The following TTLL5 variants were observed in gnomAD, a reference collection of about 807,000 sequenced individuals.
TTLL5 encodes tubulin tyrosine ligase like 5.
Under a neutral mutation model 168.4 loss-of-function variants are expected in TTLL5, and 132 were observed. That is an observed-to-expected ratio of 0.78 (90% CI 0.68 to 0.91). The LOEUF (loss-of-function observed/expected upper bound fraction) is 0.91. Among genes scored for constraint, TTLL5 ranks in the 40% least tolerant of loss-of-function variants. The probability of loss-of-function intolerance (pLI) is 0.00; values close to 1 mark genes in which losing one functional copy is unlikely to be tolerated. For synonymous variants in TTLL5, 546 were observed against 558.6 expected (o/e 0.98, Z 0.32); for missense variants, 1,545 against 1,581.5 (o/e 0.98, Z 0.39).
At chr14:75,751,138 C>G (rs1195025421) in intron 17 of TTLL5, among the ~76,000 whole-genome samples, 1 of 152,160 alleles carries the variant, frequency 6.6e-6, no homozygotes, top group African/African-American at 2.4e-5. Context: ...CTCACGTCTT[C>G]CACCCCAAAA....
At chr14:75,849,607 A>C (rs1246393498) in intron 28 of TTLL5, among the ~76,000 whole-genome samples, 1 of 152,202 alleles carries the variant, frequency 6.6e-6, no homozygotes, top group African/African-American at 2.4e-5. Flanking sequence ...AGTAGAAGGG[A>C]ATCATTTAAG....
At chr14:75,808,956 A>G (rs907579301) in intron 27 of TTLL5, among the ~76,000 whole-genome samples, 18 of 151,694 alleles carry the variant, frequency 1.2e-4, no homozygotes, top group African/African-American at 4.3e-4. Context: ...AGCTATACAT[A>G]TCAGGATATA....
intron 27 of TTLL5, among the ~76,000 whole-genome samples, chr14:75,819,072 A>G (rs1272855343): frequency 6.6e-6 from 1 of 152,194 alleles, no homozygotes; most frequent in Non-Finnish European, 1.5e-5. Flanking sequence ...GTACTTACCA[A>G]CAGACTTGTG....
At chr14:75,782,612 G>A (rs574551556) in intron 25 of TTLL5, 39 bp downstream of exon 25, 228 of 1,530,876 alleles carry the variant, frequency 1.5e-4, no homozygotes, top group South Asian at 2.5e-4. Context: ...GCTGCTCTCT[G>A]ATAATTTCCT....
At chr14:75,924,126 A>G (rs1260123166) in intron 31 of TTLL5, among the ~76,000 whole-genome samples, 1 of 149,366 alleles carries the variant, frequency 6.7e-6, no homozygotes, top group Non-Finnish European at 1.5e-5. Context: ...TCTGCACGTG[A>G]GATGGGTCTC....
At chr14:75,874,887 G>T (rs1207972831) in intron 29 of TTLL5, among the ~76,000 whole-genome samples, 2 of 146,318 alleles carry the variant, frequency 1.4e-5, no homozygotes, top group Admixed American at 1.4e-4. Flanking sequence ...GATTTTGGGG[G>T]TGCTTTTCTG....
At chr14:75,799,468 A>T (rs1893165826) in intron 27 of TTLL5, among the ~76,000 whole-genome samples, 1 of 152,136 alleles carries the variant, frequency 6.6e-6, no homozygotes, top group African/African-American at 2.4e-5. Context: ...TACATTCAAC[A>T]TTATTATTGA....
At chr14:75,870,456 C>T (rs887295491) in intron 29 of TTLL5, among the ~76,000 whole-genome samples, 4 of 151,812 alleles carry the variant, frequency 2.6e-5, no homozygotes, top group Non-Finnish European at 5.9e-5. Context: ...TGTTCTTGGG[C>T]GTAACAATCT....
intron 28 of TTLL5, among the ~76,000 whole-genome samples, chr14:75,855,801 A>G (rs1423065914): frequency 1.3e-5 from 2 of 152,254 alleles, no homozygotes; most frequent in Admixed American, 6.5e-5. Context: ...TTAACCATCT[A>G]CTTAAAACAC....
intron 30 of TTLL5, among the ~76,000 whole-genome samples, chr14:75,901,709 C>A (rs7151124): frequency 0.82 from 124,877 of 152,176 alleles, 51,447 homozygotes; most frequent in East Asian, 0.92. Context: ...TTCCCCACTT[C>A]CCCAGTTGAA....
At chr14:75,744,141 C>A (rs184403587) in intron 15 of TTLL5, among the ~76,000 whole-genome samples, 102 of 152,300 alleles carry the variant, frequency 6.7e-4, no homozygotes, top group African/African-American at 2.4e-3. Flanking sequence ...TACCTCGTGA[C>A]AATGGGGCTG....
chr14:75,850,172 C>T (rs928354168), intron 28 of TTLL5, among the ~76,000 whole-genome samples: 3 of 151,330 alleles, frequency 2.0e-5, no homozygotes, highest in South Asian at 4.2e-4. Context: ...TTTGGGAGGC[C>T]GAGGCGGGCG....
chr14:75,872,346 T>C (rs1374210443), intron 29 of TTLL5, among the ~76,000 whole-genome samples: 1 of 152,196 alleles, frequency 6.6e-6, no homozygotes, highest in Non-Finnish European at 1.5e-5. Flanking sequence ...TTTAAATAAA[T>C]TTGCTTTAGA....
Position 75,793,089 on chromosome 14 carries a change from C to T in TTLL5, c.3160C>T (p.Leu1054Phe), listed in dbSNP as rs149310396. 2.8e-5 allele frequency: 45 copies of T among 1,610,662 alleles called. No homozygotes were observed. The highest frequency in any genetic ancestry group is 8.4e-5 in the Admixed American group (5 of 59,864). The change falls in exon 27 of 32, where the codon CTC becomes TTC. Residue 1054 changes from leucine to phenylalanine, a missense_variant. By Grantham distance (22) the Leu-to-Phe change is conservative. Coordinates refer to ENST00000298832, the MANE Select transcript of TTLL5 (RefSeq NM_015072.5). ...QYSPSSHINL[L>F]TQQVTNLNLA... is the part of the protein sequence containing the mutation. ...TTCTCCATCCAGCCACATCAACCTCCTCACCCAACAGGTACGGATGGTCTG... is the reference window on the plus strand; with the variant it reads ...TTCTCCATCCAGCCACATCAACCTCTTCACCCAACAGGTACGGATGGTCTG...
rs1891937174 is a variant in TTLL5 at position 75,779,782 on chromosome 14, G to C, written c.2515+80G>C. ...AATGCAAAGGAGAATGAGGAATAAT[G>C]TGTTGGCTAAGCACTAATAGTCCCC... is the stretch of plus-strand genomic sequence containing the variant. On this transcript the variant is annotated intron_variant, in intron 24 of 31. Transcript: ENST00000298832. The C allele has an allele frequency of 2.8e-6, 4 of 1,448,692 alleles. No homozygotes were observed. The Admixed American group carries it at 8.7e-5, about 31-fold the overall frequency. The allele number at this position is 1,448,692 out of a possible 1,614,324, so 89.7% of individuals were successfully genotyped here.
At chr14:75,929,115 G>T (rs1259859411) in intron 31 of TTLL5, among the ~76,000 whole-genome samples, 1 of 150,158 alleles carries the variant, frequency 6.7e-6, no homozygotes, top group Non-Finnish European at 1.5e-5. Flanking sequence ...CAGAATTTCT[G>T]TGGATCAGTG....
chr14:75,777,383 CA>C (rs1467993048), intron 23 of TTLL5, among the ~76,000 whole-genome samples: 1 of 152,148 alleles, frequency 6.6e-6, no homozygotes, highest in East Asian at 1.9e-4. Flanking sequence ...GAGGAATTTG[CA>C]ATTTCTCCAC....
chr14:75,893,261 T>C (rs2032490144), intron 30 of TTLL5, among the ~76,000 whole-genome samples: 2 of 152,068 alleles, frequency 1.3e-5, no homozygotes, highest in African/African-American at 4.8e-5. Context: ...GAAGAAGACA[T>C]GAGTCCTCAG....
chr14:75,687,807 A>G (rs1403192901), intron 5 of TTLL5, among the ~76,000 whole-genome samples: 1 of 152,206 alleles, frequency 6.6e-6, no homozygotes. Flanking sequence ...AGATACAGGG[A>G]TGGCAAATAA....
Sources: gnomAD v4.1 joint callset for allele counts (sites outside exome capture counted in the v4.1 genomes callset) on GRCh38, gnomAD v4.1.1 for gene constraint, MANE v1.5 for transcripts, NCBI Gene and HGNC (gene_info 2026-07-23, HGNC 2026-07-21) for gene names.